Variants in LRRIQ3 observed in about 807,000 individuals in gnomAD.
LRRIQ3 encodes the protein leucine-rich repeat and IQ domain-containing protein 3.
In LRRIQ3, 75 loss-of-function variants were observed where a neutral mutation model predicts 59.3. The ratio of observed to expected loss-of-function variants is 1.26; its 90% CI spans 1.05 to 1.53. LRRIQ3 has a LOEUF of 1.53. Ranked by LOEUF, LRRIQ3 falls within the 40% of genes most tolerant of loss-of-function variation. The pLI is 0.00. For missense variants in LRRIQ3, 831 were observed against 710.0 expected (o/e 1.17, Z -1.94); for synonymous variants, 250 against 231.3 (o/e 1.08, Z -0.73).
chr1:74,113,944 C>G (rs1646739397), intron 4 of LRRIQ3, among the ~76,000 whole-genome samples: 2 of 151,526 alleles, frequency 1.3e-5, no homozygotes, highest in African/African-American at 2.4e-5. Flanking sequence ...ATATATAAAT[C>G]CCCTCTCTCT....
chr1:74,116,184 G>A (rs997111744), intron 4 of LRRIQ3, among the ~76,000 whole-genome samples: 3 of 151,988 alleles, frequency 2.0e-5, no homozygotes, highest in African/African-American at 7.2e-5. Flanking sequence ...AAATGTGTTG[G>A]TGTAGAGAGA....
chr1:74,036,488 G>A (rs1201174197), intron 7 of LRRIQ3, among the ~76,000 whole-genome samples: 1 of 151,962 alleles, frequency 6.6e-6, no homozygotes. Flanking sequence ...AAGCTTCTAG[G>A]TCACATAACA....
At chr1:74,169,893 G>C (rs1649216194) in intron 3 of LRRIQ3, among the ~76,000 whole-genome samples, 1 of 151,900 alleles carries the variant, frequency 6.6e-6, no homozygotes, top group Non-Finnish European at 1.5e-5. Flanking sequence ...CTCATTCTTT[G>C]ATTTTCATTT....
At chr1:74,125,491 T>C (rs952684244) in intron 4 of LRRIQ3, among the ~76,000 whole-genome samples, 1 of 151,962 alleles carries the variant, frequency 6.6e-6, no homozygotes, top group African/African-American at 2.4e-5. Flanking sequence ...TGTAGGTCTT[T>C]AGTACACAGC....
intron 5 of LRRIQ3, among the ~76,000 whole-genome samples, chr1:74,096,898 T>C (rs1441629581): frequency 6.6e-6 from 1 of 152,106 alleles, no homozygotes; most frequent in African/African-American, 2.4e-5. Context: ...TGCCTGATCG[T>C]TCCTCTGGAA....
rs754642358 is a variant in LRRIQ3, at chr1:74,155,832, TTAA to T, written c.605_607del (p.Ile202del). The stretch of plus-strand genomic sequence containing the variant: ...TGCATTAATTTTTGAAGTAATATGT[TTAA>T]TATTATTAATTTCCTCTTCATAGGT... On this transcript the variant is annotated inframe_deletion, in exon 4 of 8. Coordinates refer to ENST00000354431, the MANE Select transcript of LRRIQ3 (RefSeq NM_001105659.2). 3 of 1,541,752 alleles carry T rather than the reference TTAA, an allele frequency of 1.9e-6. No homozygotes were observed. The highest frequency in any genetic ancestry group is 1.8e-6 in the Non-Finnish European group (2 of 1,138,376).
Position 74,053,177 on chromosome 1 carries a change from C to CAA in LRRIQ3, c.998-11246_998-11245dup, listed in dbSNP as rs11403724. ...ATGAAATAACCGGTCCTCCACATGCCAAAAAAAAAAAAAAAAACAAATTAA... is the reference window on the plus strand; with the variant it reads ...ATGAAATAACCGGTCCTCCACATGCCAAAAAAAAAAAAAAAAAAACAAATTAA... On this transcript the variant is annotated intron_variant, in intron 6 of 7. Coordinates refer to ENST00000354431, the MANE Select transcript of LRRIQ3 (RefSeq NM_001105659.2). Among the ~76,000 whole-genome samples the CAA allele has an allele frequency of 8.8e-3, 884 of 100,256 alleles. 14 individuals carry two copies. Among genetic ancestry groups the CAA allele is most frequent in the Middle Eastern group, 0.023 (3 of 132 alleles). 65.8% of individuals were successfully genotyped at this position (100,256 alleles called of 152,430 possible).
intron 2 of LRRIQ3, 41 bp downstream of exon 2, chr1:74,183,395 A>G (rs1319004228): frequency 6.7e-7 from 1 of 1,492,456 alleles, no homozygotes; most frequent in Non-Finnish European, 8.9e-7. Context: ...TAAGACTGAA[A>G]TTTCGTTTAT....
rs1199730656 is a variant in LRRIQ3, at chr1:74,033,823, G to A, written c.1719-6854C>T. Among the ~76,000 whole-genome samples the A allele has an allele frequency of 1.6e-4, 24 of 151,942 alleles. 1 individual carries two copies. Among genetic ancestry groups the A allele is most frequent in the Admixed American group, 1.6e-3 (24 of 15,212 alleles). On this transcript the variant is annotated intron_variant, in intron 7 of 7. Transcript: ENST00000354431. Reference sequence around the variant, plus strand: ...AGGACAAGTTGAAGATGATGTAATTGAAAAACCACTTTATTTTCTAGCTCT... The same window carrying A: ...AGGACAAGTTGAAGATGATGTAATTAAAAAACCACTTTATTTTCTAGCTCT...
At chr1:74,145,430 G>A (rs1647511143) in intron 4 of LRRIQ3, among the ~76,000 whole-genome samples, 1 of 152,100 alleles carries the variant, frequency 6.6e-6, no homozygotes, top group South Asian at 2.1e-4. Flanking sequence ...TGAGCTTCCT[G>A]AAAAACCTCT....
intron 4 of LRRIQ3, among the ~76,000 whole-genome samples, chr1:74,142,248 GTC>G (rs1647291915): frequency 6.6e-6 from 1 of 151,888 alleles, no homozygotes. Context: ...AGCTGTACCA[GTC>G]TCTATTCACA....
intron 4 of LRRIQ3, among the ~76,000 whole-genome samples, chr1:74,124,186 AC>A: frequency 6.6e-6 from 1 of 151,788 alleles, no homozygotes; most frequent in African/African-American, 2.4e-5. Context: ...TTCATTCAGA[AC>A]TTTTGCCCAT....
rs1477404613 is a variant in LRRIQ3 at position 74,171,353 on chromosome 1, T to C, written c.573+11185A>G. ...TAATTGTTGAGAGCTTTTTTAATCATAAAAGGTGTTGAATTTTTGTCAAAT... is the reference window on the plus strand; with the variant it reads ...TAATTGTTGAGAGCTTTTTTAATCACAAAAGGTGTTGAATTTTTGTCAAAT... On this transcript the variant is annotated intron_variant, in intron 3 of 7. Coordinates refer to ENST00000354431, the MANE Select transcript of LRRIQ3 (RefSeq NM_001105659.2). 3.9e-5 allele frequency among the ~76,000 whole-genome samples: 6 copies of C among 152,302 alleles called. No homozygotes were observed. In the East Asian group the frequency reaches 9.6e-4, roughly 24 times the overall value.
At chr1:74,151,618 G>A (rs1331175085) in intron 4 of LRRIQ3, among the ~76,000 whole-genome samples, 2 of 152,108 alleles carry the variant, frequency 1.3e-5, no homozygotes, top group Non-Finnish European at 2.9e-5. Context: ...GCATTAGTGT[G>A]TGAATACAAT....
chr1:74,123,239 A>C (rs1201149393), intron 4 of LRRIQ3, among the ~76,000 whole-genome samples: 17 of 152,030 alleles, frequency 1.1e-4, no homozygotes, highest in Admixed American at 8.5e-4. Flanking sequence ...AATGCATAAC[A>C]ATGTCATCAG....
chr1:74,118,652 T>C (rs575039792), intron 4 of LRRIQ3, among the ~76,000 whole-genome samples: 1 of 152,180 alleles, frequency 6.6e-6, no homozygotes, highest in South Asian at 2.1e-4. Context: ...TTAGTCAGGA[T>C]TCTCTAGAAA....
chr1:74,169,378 A>T (rs941758362), intron 3 of LRRIQ3, among the ~76,000 whole-genome samples: 1 of 152,154 alleles, frequency 6.6e-6, no homozygotes, highest in Non-Finnish European at 1.5e-5. Context: ...TACAATCAAC[A>T]TGGAATACTG....
intron 4 of LRRIQ3, 34 bp from the exon 5 acceptor site, chr1:74,109,587 G>T: frequency 6.6e-7 from 1 of 1,516,996 alleles, no homozygotes; most frequent in African/African-American, 1.4e-5. Flanking sequence ...CTATTTGTTA[G>T]TTTTTTGCCA....
intron 4 of LRRIQ3, among the ~76,000 whole-genome samples, chr1:74,126,805 A>C (rs1022054716): frequency 6.6e-6 from 1 of 151,958 alleles, no homozygotes; most frequent in Non-Finnish European, 1.5e-5. Flanking sequence ...TGTGCTGAGA[A>C]GAAGCATGTG....
Sources: gnomAD v4.1 joint callset for allele counts (sites outside exome capture counted in the v4.1 genomes callset) on GRCh38, gnomAD v4.1.1 for gene constraint, MANE v1.5 for transcripts, NCBI Gene and HGNC (gene_info 2026-07-23, HGNC 2026-07-21) for gene names.